The following MTMR12 variants were observed in gnomAD, a reference collection of about 807,000 sequenced individuals.
MTMR12 encodes myotubularin-related protein 12.
Under a neutral mutation model 96.7 loss-of-function variants are expected in MTMR12, and 33 were observed. The ratio of observed to expected loss-of-function variants is 0.34; its 90% CI spans 0.26 to 0.46. The LOEUF (loss-of-function observed/expected upper bound fraction) is 0.46. Among genes scored for constraint, MTMR12 ranks in the 20% least tolerant of loss-of-function variants. The probability of loss-of-function intolerance (pLI) is 1.00; values close to 1 mark genes in which losing one functional copy is unlikely to be tolerated. For missense variants in MTMR12, 721 were observed against 896.1 expected (o/e 0.80, Z 2.49); for synonymous variants, 298 against 327.2 (o/e 0.91, Z 0.96).
intron 15 of MTMR12, among the ~76,000 whole-genome samples, chr5:32,232,571 C>G (rs1748040562): frequency 6.6e-6 from 1 of 152,244 alleles, no homozygotes; most frequent in Non-Finnish European, 1.5e-5. Flanking sequence ...CCCTGCCACT[C>G]TGGCACAGGG....
chr5:32,240,398 C>CAA (rs72026064), intron 12 of MTMR12, among the ~76,000 whole-genome samples: 62 of 100,052 alleles, frequency 6.2e-4, no homozygotes, highest in African/African-American at 1.9e-3. Context: ...GACTCCGTCT[C>CAA]AAAAAAAAAA....
At chr5:32,279,638 G>C (rs1159729284) in intron 1 of MTMR12, among the ~76,000 whole-genome samples, 1 of 152,216 alleles carries the variant, frequency 6.6e-6, no homozygotes, top group Non-Finnish European at 1.5e-5. Context: ...TCACATTCAA[G>C]GATCTGCCAC....
intron 15 of MTMR12, among the ~76,000 whole-genome samples, chr5:32,231,411 A>C (rs889231666): frequency 6.8e-6 from 1 of 146,268 alleles, no homozygotes; most frequent in African/African-American, 2.8e-5. Flanking sequence ...GGGTTGTAAA[A>C]GATGGATGTG....
intron 5 of MTMR12, among the ~76,000 whole-genome samples, chr5:32,269,453 G>A (rs1255064410): frequency 6.6e-6 from 1 of 151,616 alleles, no homozygotes; most frequent in East Asian, 1.9e-4. Context: ...ATAGGCATGC[G>A]CCACCACGCC....
At chr5:32,310,590 T>C (rs1472790595) in intron 1 of MTMR12, among the ~76,000 whole-genome samples, 1 of 152,062 alleles carries the variant, frequency 6.6e-6, no homozygotes, top group Non-Finnish European at 1.5e-5. Context: ...TTGTGGGAGC[T>C]AAAAATTAAA....
At chr5:32,247,178 T>C (rs1475256763) in intron 10 of MTMR12, among the ~76,000 whole-genome samples, 2 of 152,136 alleles carry the variant, frequency 1.3e-5, no homozygotes, top group African/African-American at 4.8e-5. Context: ...GATGGGACTC[T>C]GTCTCTACAA....
At chr5:32,263,596 T>C (rs566695472) in intron 6 of MTMR12, among the ~76,000 whole-genome samples, 1 of 152,108 alleles carries the variant, frequency 6.6e-6, no homozygotes, top group Admixed American at 6.6e-5. Context: ...CACCACCACA[T>C]ATGGCTAATT....
At chr5:32,286,499 G>A (rs888315362) in intron 1 of MTMR12, among the ~76,000 whole-genome samples, 2 of 151,250 alleles carry the variant, frequency 1.3e-5, no homozygotes, top group African/African-American at 2.4e-5. Flanking sequence ...CAGCCTGGGC[G>A]ACAAAGTGAG....
chr5:32,271,335 T>C (rs72731083), intron 4 of MTMR12, among the ~76,000 whole-genome samples: 1 of 152,324 alleles, frequency 6.6e-6, no homozygotes, highest in Non-Finnish European at 1.5e-5. Flanking sequence ...GACCCCCTAC[T>C]GTCCCAGAAT....
At chr5:32,267,377 G>GAAAAA (rs751223074) in intron 6 of MTMR12, among the ~76,000 whole-genome samples, 7 of 89,962 alleles carry the variant, frequency 7.8e-5, no homozygotes, top group Admixed American at 2.4e-4. Context: ...CTCCATCTCA[G>GAAAAA]AAAAAAAAAA....
intron 1 of MTMR12, among the ~76,000 whole-genome samples, chr5:32,303,547 T>C (rs1275719526): frequency 6.6e-6 from 1 of 152,194 alleles, no homozygotes; most frequent in African/African-American, 2.4e-5. Context: ...ATGATTCATT[T>C]TGAAAGCTTA....
chr5:32,257,347 G>A (rs1014541255), intron 7 of MTMR12, among the ~76,000 whole-genome samples: 3 of 152,126 alleles, frequency 2.0e-5, no homozygotes, highest in African/African-American at 7.2e-5. Context: ...TCCAAGAGAG[G>A]GTGAAGCAGG....
chr5:32,249,288 C>A (rs759432167), intron 8 of MTMR12, among the ~76,000 whole-genome samples: 69 of 152,130 alleles, frequency 4.5e-4, no homozygotes, highest in Non-Finnish European at 8.5e-4. Context: ...TCCCCCTTAA[C>A]AGCAAGAAAC....
rs575705453 is a variant in MTMR12, at chr5:32,269,556, C to T, written c.490-762G>A. 7.9e-5 allele frequency among the ~76,000 whole-genome samples: 12 copies of T among 152,268 alleles called. No homozygotes were observed. In the South Asian group the frequency reaches 2.1e-3, roughly 26 times the overall value. On this transcript the variant is annotated intron_variant, in intron 5 of 15. Transcript: ENST00000382142. ...CTGACCTCAGGTGATCCACCCACCT[C>T]GGCCTCCCAAAGTGCTGAGATTGCA...
At chr5:32,234,887 T>C (rs1581587102) in intron 14 of MTMR12, 75 bp downstream of exon 14, 2 of 1,373,082 alleles carry the variant, frequency 1.5e-6, no homozygotes, top group East Asian at 2.3e-5. Context: ...ATTTTATTTG[T>C]AGCATCAGTA....
intron 15 of MTMR12, 66 bp from the exon 16 acceptor site, chr5:32,230,413 A>G (rs574463763): frequency 1.8e-5 from 26 of 1,424,394 alleles, no homozygotes; most frequent in Non-Finnish European, 2.1e-5. Context: ...AGCTGTTACC[A>G]TAACAAAAAG....
intron 1 of MTMR12, among the ~76,000 whole-genome samples, chr5:32,286,657 A>G (rs1750550355): frequency 6.6e-6 from 1 of 152,252 alleles, no homozygotes; most frequent in African/African-American, 2.4e-5. Flanking sequence ...TTTATTATTC[A>G]GAGCTTAGTT....
intron 13 of MTMR12, 56 bp downstream of exon 13, chr5:32,238,945 T>A: frequency 6.9e-7 from 1 of 1,455,380 alleles, no homozygotes; most frequent in Non-Finnish European, 9.1e-7. Flanking sequence ...AGGTATTAAA[T>A]AAGAGATTCA....
chr5:32,252,631 T>C (rs1478443955), intron 8 of MTMR12, among the ~76,000 whole-genome samples: 3 of 152,236 alleles, frequency 2.0e-5, no homozygotes, highest in Non-Finnish European at 2.9e-5. Context: ...ACATAAGCTA[T>C]AGCTATTGAT....
Sources: gnomAD v4.1 joint callset for allele counts (sites outside exome capture counted in the v4.1 genomes callset) on GRCh38, gnomAD v4.1.1 for gene constraint, MANE v1.5 for transcripts, NCBI Gene and HGNC (gene_info 2026-07-23, HGNC 2026-07-21) for gene names.